Variants in TSHZ2 observed in about 807,000 individuals in gnomAD.
TSHZ2 encodes the protein teashirt zinc finger homeobox 2.
TSHZ2 carries 21 observed loss-of-function variants against 74.4 expected under a neutral mutation model. That is an observed-to-expected ratio of 0.28 (90% confidence interval 0.20 to 0.41). TSHZ2 has a LOEUF of 0.41. Among genes scored for constraint, TSHZ2 ranks in the 10% least tolerant of loss-of-function variants. TSHZ2 has a pLI of 1.00. For missense variants in TSHZ2, 1,244 were observed against 1,293.5 expected (o/e 0.96, Z 0.59); for synonymous variants, 540 against 515.3 (o/e 1.05, Z -0.65).
intron 2 of TSHZ2, among the ~76,000 whole-genome samples, chr20:53,442,089 G>A (rs1439240014): frequency 6.6e-6 from 1 of 152,124 alleles, no homozygotes; most frequent in Non-Finnish European, 1.5e-5. Flanking sequence ...GTAAGAAGGA[G>A]TAGATGAGGT....
intron 2 of TSHZ2, among the ~76,000 whole-genome samples, chr20:53,315,186 C>T (rs1270326608): frequency 6.6e-6 from 1 of 152,212 alleles, no homozygotes; most frequent in African/African-American, 2.4e-5. Context: ...TCACATTATA[C>T]TTTAGAAGAC....
At chr20:53,221,427 AT>A (rs1989554368) in intron 1 of TSHZ2, among the ~76,000 whole-genome samples, 1 of 152,170 alleles carries the variant, frequency 6.6e-6, no homozygotes, top group South Asian at 2.1e-4. Flanking sequence ...GGGGCCACCT[AT>A]TTTTGTTATC....
At chr20:53,324,805 A>G (rs1016743923) in intron 2 of TSHZ2, among the ~76,000 whole-genome samples, 3 of 152,086 alleles carry the variant, frequency 2.0e-5, no homozygotes, top group African/African-American at 7.2e-5. Flanking sequence ...TGCCCCTACT[A>G]TTCTCCTCTA....
At chr20:53,431,854 A>G (rs1405943817) in intron 2 of TSHZ2, among the ~76,000 whole-genome samples, 1 of 152,238 alleles carries the variant, frequency 6.6e-6, no homozygotes, top group Non-Finnish European at 1.5e-5. Flanking sequence ...TAATAAAAAC[A>G]CGTAAATAAC....
At position 53,255,340 on chromosome 20, in the gene TSHZ2, C is replaced by T. The variant is rs1163720906; in HGVS notation, c.1882C>T (p.His628Tyr). 6.2e-7 allele frequency: 1 copy of T among 1,614,066 alleles called. No homozygotes were observed. The highest frequency in any genetic ancestry group is 8.5e-7 in the Non-Finnish European group (1 of 1,179,974). ...CCACGAAGAGGCCTCATCTTTCAGC[C>T]ACAGTGAGGGCGATTCTTTCCGCAA... ...SPHEEASSFSHSEGDSFRKSE... is the reference protein window; with the variant it reads ...SPHEEASSFSYSEGDSFRKSE... The change falls in exon 2 of 3, where the codon CAC becomes TAC. Residue 628 changes from histidine (H) to tyrosine (Y), a missense_variant. By Grantham distance (83) the His-to-Tyr change is moderately conservative. Transcript: ENST00000371497. This position sits in a 1 kb window ranked among gnomAD's most constrained non-coding sequence, Gnocchi z 4.1.
At chr20:53,119,950 A>G (rs913261180) in intron 1 of TSHZ2, among the ~76,000 whole-genome samples, 1 of 152,196 alleles carries the variant, frequency 6.6e-6, no homozygotes, top group African/African-American at 2.4e-5. Context: ...AATATTCAGC[A>G]TTTCTAACTG....
At chr20:53,440,226 T>A (rs567360440) in intron 2 of TSHZ2, among the ~76,000 whole-genome samples, 1 of 151,874 alleles carries the variant, frequency 6.6e-6, no homozygotes, top group Admixed American at 6.6e-5. Flanking sequence ...GAGAAGCGAG[T>A]TTGGTGGTTG....
intron 1 of TSHZ2, among the ~76,000 whole-genome samples, chr20:53,153,837 T>G (rs1228809445): frequency 6.6e-6 from 1 of 152,192 alleles, no homozygotes; most frequent in Non-Finnish European, 1.5e-5. Flanking sequence ...TTGGCTAGAC[T>G]CAGCTGATGA....
chr20:52,990,865 T>C (rs910629182), intron 1 of TSHZ2, among the ~76,000 whole-genome samples: 10 of 151,172 alleles, frequency 6.6e-5, no homozygotes, highest in African/African-American at 2.4e-4. Flanking sequence ...ATAACAGGGA[T>C]GTGTGTGTGT....
chr20:53,163,360 C>CTT (rs55685519), intron 1 of TSHZ2, among the ~76,000 whole-genome samples: 808 of 65,622 alleles, frequency 0.012, 59 homozygotes, highest in African/African-American at 0.04. Flanking sequence ...CTCTCTGTCT[C>CTT]TTTTTTTTTT....
chr20:53,161,620 G>A (rs149542161), intron 1 of TSHZ2, among the ~76,000 whole-genome samples: 47 of 152,246 alleles, frequency 3.1e-4, no homozygotes, highest in African/African-American at 9.6e-4. Flanking sequence ...GAGTACAAGC[G>A]AAAGAGGAAC....
intron 1 of TSHZ2, among the ~76,000 whole-genome samples, chr20:53,035,589 T>C (rs539975501): frequency 5.3e-5 from 8 of 152,334 alleles, no homozygotes; most frequent in Admixed American, 5.2e-4. Context: ...CGTAGGAATA[T>C]AATAGGATGC....
intron 1 of TSHZ2, among the ~76,000 whole-genome samples, chr20:53,034,306 AT>A (rs1983745102): frequency 6.6e-6 from 1 of 152,180 alleles, no homozygotes; most frequent in Admixed American, 6.5e-5. Flanking sequence ...TAACAGCTGC[AT>A]TAAAGGGTTG....
intron 1 of TSHZ2, among the ~76,000 whole-genome samples, chr20:53,076,778 T>A (rs1188918208): frequency 6.6e-6 from 1 of 152,118 alleles, no homozygotes; most frequent in Admixed American, 6.5e-5. Context: ...AAACACAACC[T>A]GATGAAGGAC....
intron 1 of TSHZ2, among the ~76,000 whole-genome samples, chr20:53,252,322 C>T (rs550382114): frequency 2.0e-5 from 3 of 152,284 alleles, no homozygotes; most frequent in East Asian, 3.9e-4. Context: ...TAAGGTTTTC[C>T]CCACGTCGCT....
At chr20:53,032,233 C>A (rs117672320) in intron 1 of TSHZ2, among the ~76,000 whole-genome samples, 1 of 152,168 alleles carries the variant, frequency 6.6e-6, no homozygotes, top group African/African-American at 2.4e-5. Flanking sequence ...AACGTTAGAG[C>A]GGATGACTTT....
intron 2 of TSHZ2, among the ~76,000 whole-genome samples, chr20:53,337,546 A>T (rs895202487): frequency 2.0e-5 from 3 of 152,164 alleles, no homozygotes; most frequent in African/African-American, 7.2e-5. Flanking sequence ...GGAGGGATAT[A>T]CCCAGGGATG....
At chr20:53,272,678 G>C (rs1048277287) in intron 2 of TSHZ2, among the ~76,000 whole-genome samples, 5 of 152,174 alleles carry the variant, frequency 3.3e-5, no homozygotes, top group African/African-American at 9.7e-5. Flanking sequence ...AGCCAGAAAA[G>C]TATGAGGATG....
intron 2 of TSHZ2, among the ~76,000 whole-genome samples, chr20:53,417,577 A>AT (rs1215756717): frequency 1.3e-5 from 2 of 152,162 alleles, no homozygotes; most frequent in Non-Finnish European, 2.9e-5. Context: ...GATTACAGGC[A>AT]TGAACCACTG....
Sources: allele counts gnomAD v4.1 joint callset (sites outside exome capture counted in the v4.1 genomes callset), GRCh38; gene constraint gnomAD v4.1.1; non-coding constraint Gnocchi (gnomAD v3.1); transcripts MANE v1.5; gene names NCBI Gene and HGNC (gene_info 2026-07-23, HGNC 2026-07-21).